Variants in SHISA6 observed in about 807,000 individuals in gnomAD.
SHISA6 encodes the protein protein shisa-6.
SHISA6 carries 22 observed loss-of-function variants against 47.9 expected under a neutral mutation model. The ratio of observed to expected loss-of-function variants is 0.46; its 90% CI spans 0.33 to 0.66. The LOEUF is 0.66. Ranked by LOEUF, SHISA6 falls within the 30% of genes least tolerant of loss-of-function variation. The probability of loss-of-function intolerance (pLI) is 0.02; values close to 1 mark genes in which losing one functional copy is unlikely to be tolerated. For missense variants in SHISA6, 680 were observed against 764.6 expected, an observed-to-expected ratio of 0.89 and a Z score of 1.30; for synonymous variants, 388 against 337.8, an observed-to-expected ratio of 1.15 and a Z score of -1.63.
At chr17:11,315,294 T>C (rs929779314) in intron 2 of SHISA6, among the ~76,000 whole-genome samples, 1 of 152,210 alleles carries the variant, frequency 6.6e-6, no homozygotes, top group African/African-American at 2.4e-5. Context: ...TGTTTTTCTG[T>C]AACTTTATTG....
At position 11,289,658 on chromosome 17, in the gene SHISA6, C is replaced by G. The variant is rs145274226; in HGVS notation, c.799+26132C>G. 241 of 151,420 alleles carry G rather than the reference C, an allele frequency of 1.6e-3. 1 individual carries two copies. Among genetic ancestry groups the G allele is most frequent in the African/African-American group, 5.6e-3 (231 of 41,374 alleles). The allele number at this position is 151,420 out of a possible 1,614,324, so 9.4% of individuals were successfully genotyped here. A position where few individuals can be genotyped will look rare whatever the true frequency, so the allele number is the denominator to read the frequency against. On this transcript the variant is annotated intron_variant, in intron 2 of 5. Transcript: ENST00000441885. ...ATAATTAGTACAACTTTTAGACTTT[C>G]TTCTCAGTTTGAATTAATTTTGGCA...
chr17:11,371,512 A>C (rs1567587110), intron 2 of SHISA6, among the ~76,000 whole-genome samples: 1 of 152,180 alleles, frequency 6.6e-6, no homozygotes, highest in Non-Finnish European at 1.5e-5. Context: ...TTGAGGGCTT[A>C]TTTGTGCAGA....
chr17:11,281,576 G>C (rs1331350256), intron 2 of SHISA6, among the ~76,000 whole-genome samples: 1 of 151,970 alleles, frequency 6.6e-6, no homozygotes, highest in African/African-American at 2.4e-5. Flanking sequence ...AGAACTTTTT[G>C]TGTCTATGTT....
At chr17:11,371,358 C>T (rs1168828545) in intron 2 of SHISA6, among the ~76,000 whole-genome samples, 4 of 152,150 alleles carry the variant, frequency 2.6e-5, no homozygotes, top group African/African-American at 4.8e-5. Flanking sequence ...AGAGAGCAAA[C>T]CCCGGGCTCT....
intron 2 of SHISA6, among the ~76,000 whole-genome samples, chr17:11,297,186 A>G (rs1909782730): frequency 1.3e-5 from 2 of 152,146 alleles, no homozygotes; most frequent in South Asian, 4.1e-4. Context: ...CGTGTTTGCC[A>G]TAGAGCTCCA....
intron 2 of SHISA6, among the ~76,000 whole-genome samples, chr17:11,266,057 G>T (rs753061646): frequency 6.6e-6 from 1 of 152,166 alleles, no homozygotes; most frequent in African/African-American, 2.4e-5. Flanking sequence ...ATCACAAGCC[G>T]CAGCTTCTAC....
chr17:11,271,480 CAGGCTGG>C (rs1908653092), intron 2 of SHISA6, among the ~76,000 whole-genome samples: 1 of 152,080 alleles, frequency 6.6e-6, no homozygotes, highest in South Asian at 2.1e-4. Context: ...TCTTGTCACC[CAGGCTGG>C]AGTGCAGTGG....
intron 2 of SHISA6, among the ~76,000 whole-genome samples, chr17:11,352,472 G>C (rs778782191): frequency 2.1e-4 from 32 of 152,232 alleles, no homozygotes; most frequent in Non-Finnish European, 4.1e-4. Context: ...GTGACTTCAA[G>C]TGGACTGCAA....
intron 3 of SHISA6, among the ~76,000 whole-genome samples, chr17:11,540,982 T>C (rs2071829056): frequency 6.6e-6 from 1 of 152,198 alleles, no homozygotes; most frequent in African/African-American, 2.4e-5. Context: ...TGACGCATAA[T>C]GAATAAAAGT....
At chr17:11,476,476 G>A (rs930422163) in intron 3 of SHISA6, among the ~76,000 whole-genome samples, 2 of 151,860 alleles carry the variant, frequency 1.3e-5, no homozygotes, top group Non-Finnish European at 2.9e-5. Flanking sequence ...GATAAGTTGT[G>A]TTTTTATTTT....
intron 3 of SHISA6, among the ~76,000 whole-genome samples, chr17:11,435,138 CCTCTCT>C (rs746816435): frequency 2.1e-5 from 3 of 141,024 alleles, no homozygotes; most frequent in Non-Finnish European, 3.1e-5. Context: ...TCTCTGTTTC[CCTCTCT>C]CTCTCTCTCT....
intron 3 of SHISA6, among the ~76,000 whole-genome samples, chr17:11,433,856 A>T (rs533276331): frequency 1.3e-5 from 2 of 152,106 alleles, no homozygotes; most frequent in South Asian, 4.2e-4. Flanking sequence ...CATCCTAGGG[A>T]CTTTACCTGG....
chr17:11,486,199 G>A (rs149317258), intron 3 of SHISA6, among the ~76,000 whole-genome samples: 10 of 152,254 alleles, frequency 6.6e-5, no homozygotes, highest in African/African-American at 2.2e-4. Context: ...TCCACGTGGC[G>A]CTGTGTGCTC....
intron 3 of SHISA6, among the ~76,000 whole-genome samples, chr17:11,460,766 G>A (rs1915670209): frequency 6.6e-6 from 1 of 152,134 alleles, no homozygotes; most frequent in African/African-American, 2.4e-5. Context: ...GCGACATTGG[G>A]GCCTGAGACA....
intron 3 of SHISA6, among the ~76,000 whole-genome samples, chr17:11,439,636 C>T (rs75929249): frequency 0.013 from 2,014 of 152,256 alleles, 24 homozygotes; most frequent in Middle Eastern, 0.027. Context: ...ATGCCATCTA[C>T]AAGACGGAGA....
At chr17:11,516,490 ACACTAAAT>A (rs1362819278) in intron 3 of SHISA6, among the ~76,000 whole-genome samples, 1 of 152,194 alleles carries the variant, frequency 6.6e-6, no homozygotes, top group Non-Finnish European at 1.5e-5. Flanking sequence ...TTATGAAAAG[ACACTAAAT>A]CACTGATGTG....
chr17:11,255,240 C>G (rs1444456778), intron 1 of SHISA6, among the ~76,000 whole-genome samples: 2 of 152,070 alleles, frequency 1.3e-5, no homozygotes, highest in African/African-American at 4.8e-5. Flanking sequence ...GTACCCTGCC[C>G]TTCTGATATT....
At position 11,302,654 on chromosome 17, in the gene SHISA6, A is replaced by G. The variant is rs1909969597; in HGVS notation, c.799+39128A>G. On this transcript the variant is annotated intron_variant, in intron 2 of 5. Transcript: ENST00000441885. ...TGAGTGCATTGGTGGCCTCTGGAAC[A>G]TCTGGACCAGTCCAAGCCGTCTTTT... Among the ~76,000 whole-genome samples the G allele has an allele frequency of 2.6e-5, 4 of 152,208 alleles. No homozygotes were observed. In the South Asian group the frequency reaches 6.2e-4, roughly 24 times the overall value.
chr17:11,468,966 C>T (rs999793141), intron 3 of SHISA6, among the ~76,000 whole-genome samples: 9 of 143,156 alleles, frequency 6.3e-5, no homozygotes, highest in African/African-American at 2.3e-4. Context: ...CAGTGAGCCG[C>T]CAAGATCGTG....
Sources: allele counts gnomAD v4.1 joint callset (sites outside exome capture counted in the v4.1 genomes callset), GRCh38; gene constraint gnomAD v4.1.1; transcripts MANE v1.5; gene names NCBI Gene and HGNC (gene_info 2026-07-23, HGNC 2026-07-21).